Variants in THSD4 observed in about 807,000 individuals in gnomAD.
The protein encoded by THSD4 is thrombospondin type 1 domain containing 4, also known as thrombospondin type-1 domain-containing protein 4.
A neutral mutation model predicts 119.0 loss-of-function variants in THSD4; 69 were observed. The ratio of observed to expected loss-of-function variants is 0.58; its 90% CI spans 0.48 to 0.71. The LOEUF is 0.71. THSD4 is among the 30% of genes least tolerant of loss of function. THSD4 has a pLI of 0.00. For synonymous variants in THSD4, 524 were observed against 540.4 expected, an observed-to-expected ratio of 0.97 and a Z score of 0.42; for missense variants, 1,393 against 1,391.1, an observed-to-expected ratio of 1.00 and a Z score of -0.02.
At chr15:71,304,469 A>G (rs2044995567) in intron 6 of THSD4, among the ~76,000 whole-genome samples, 3 of 152,064 alleles carry the variant, frequency 2.0e-5, no homozygotes, top group East Asian at 1.9e-4. Context: ...GTCATAATAT[A>G]TGGTATCATC....
At chr15:71,233,676 G>C (rs1596282365) in intron 4 of THSD4, among the ~76,000 whole-genome samples, 1 of 152,250 alleles carries the variant, frequency 6.6e-6, no homozygotes, top group East Asian at 1.9e-4. Context: ...TTATTTTCCT[G>C]TTTAAGGATA....
chr15:71,462,014 A>C (rs921574314), intron 7 of THSD4, among the ~76,000 whole-genome samples: 2 of 152,200 alleles, frequency 1.3e-5, no homozygotes, highest in Admixed American at 1.3e-4. Flanking sequence ...GCTCCTTCAG[A>C]GCTGAAGAAA....
chr15:71,329,723 A>G (rs2140371483), intron 6 of THSD4, among the ~76,000 whole-genome samples: 1 of 152,332 alleles, frequency 6.6e-6, no homozygotes, highest in South Asian at 2.1e-4. Flanking sequence ...ACTCACAGAC[A>G]GGGCTGTGGT....
chr15:71,462,506 A>G (rs999323929), intron 7 of THSD4, among the ~76,000 whole-genome samples: 52 of 152,228 alleles, frequency 3.4e-4, no homozygotes, highest in African/African-American at 1.3e-3. Context: ...TTAAGACATG[A>G]AAGATGATCA....
At chr15:71,749,697 T>TTTTATTTTATTTATTTA (rs2053409357) in intron 14 of THSD4, among the ~76,000 whole-genome samples, 1 of 137,630 alleles carries the variant, frequency 7.3e-6, no homozygotes, top group African/African-American at 2.7e-5. Flanking sequence ...ATTTTTAAAT[T>TTTTATTTTATTTATTTA]TTTATTTATT....
At chr15:71,353,748 T>A (rs1453756695) in intron 6 of THSD4, among the ~76,000 whole-genome samples, 7 of 152,358 alleles carry the variant, frequency 4.6e-5, no homozygotes, top group African/African-American at 1.7e-4. Context: ...GCCGGGATGA[T>A]AAAATCCCAG....
At chr15:71,524,141 A>G (rs2048481702) in intron 7 of THSD4, among the ~76,000 whole-genome samples, 1 of 152,214 alleles carries the variant, frequency 6.6e-6, no homozygotes, top group African/African-American at 2.4e-5. Flanking sequence ...AAAAGATAAT[A>G]TAAGTGACGT....
intron 7 of THSD4, among the ~76,000 whole-genome samples, chr15:71,448,269 A>G (rs1162326534): frequency 1.3e-5 from 2 of 152,252 alleles, no homozygotes; most frequent in Non-Finnish European, 2.9e-5. Context: ...TAAGAAGACA[A>G]TGTTGAGAAG....
At chr15:71,209,021 G>A (rs1162083234) in intron 3 of THSD4, among the ~76,000 whole-genome samples, 1 of 152,140 alleles carries the variant, frequency 6.6e-6, no homozygotes, top group Admixed American at 6.5e-5. Flanking sequence ...GGCATGGCAT[G>A]TGTGCTTTGA....
At chr15:71,495,014 A>G (rs2047989092) in intron 7 of THSD4, among the ~76,000 whole-genome samples, 1 of 152,184 alleles carries the variant, frequency 6.6e-6, no homozygotes, top group Non-Finnish European at 1.5e-5. Flanking sequence ...GATACAGCTG[A>G]CCTGGCTCAG....
intron 7 of THSD4, among the ~76,000 whole-genome samples, chr15:71,468,981 C>T (rs368634582): frequency 4.6e-5 from 7 of 152,162 alleles, no homozygotes; most frequent in Non-Finnish European, 5.9e-5. Context: ...CAGGTATTTG[C>T]GTGTCTGAAA....
At chr15:71,190,385 G>C (rs2043660746) in intron 3 of THSD4, among the ~76,000 whole-genome samples, 1 of 152,300 alleles carries the variant, frequency 6.6e-6, no homozygotes, top group Admixed American at 6.5e-5. Flanking sequence ...AAAACAAAAA[G>C]AAAACCAGAC....
intron 8 of THSD4, among the ~76,000 whole-genome samples, chr15:71,703,975 G>A (rs552854557): frequency 3.3e-5 from 5 of 152,134 alleles, no homozygotes; most frequent in South Asian, 2.1e-4. Context: ...TCAGCCTCCC[G>A]AGTAGCTGGG....
At chr15:71,385,125 A>G (rs2046279130) in intron 6 of THSD4, among the ~76,000 whole-genome samples, 1 of 152,118 alleles carries the variant, frequency 6.6e-6, no homozygotes, top group African/African-American at 2.4e-5. Context: ...ATCCAATCCA[A>G]TCCTGGATCC....
intron 15 of THSD4, among the ~76,000 whole-genome samples, chr15:71,763,316 G>A (rs1417724951): frequency 6.6e-6 from 1 of 152,102 alleles, no homozygotes; most frequent in Non-Finnish European, 1.5e-5. Context: ...AATATTTAGA[G>A]TTTGAACTGC....
intron 7 of THSD4, among the ~76,000 whole-genome samples, chr15:71,583,414 C>T (rs572873018): frequency 2.0e-4 from 30 of 150,570 alleles, no homozygotes; most frequent in Non-Finnish European, 4.1e-4. Context: ...TTTATTTCTG[C>T]TATAATCTTT....
chr15:71,439,610 A>G (rs2047062553), intron 7 of THSD4, among the ~76,000 whole-genome samples: 1 of 152,170 alleles, frequency 6.6e-6, no homozygotes, highest in South Asian at 2.1e-4. Context: ...CTTGGAACCA[A>G]CCCAAATGTC....
At chr15:71,453,359 G>A (rs2047293081) in intron 7 of THSD4, among the ~76,000 whole-genome samples, 1 of 152,210 alleles carries the variant, frequency 6.6e-6, no homozygotes, top group Non-Finnish European at 1.5e-5. Flanking sequence ...AGTTCAAAGT[G>A]TTTTGCTGTC....
intron 2 of THSD4, 148 bp from the exon 3 acceptor site, chr15:71,154,715 C>T (rs1250582274): frequency 1.3e-6 from 1 of 763,640 alleles, no homozygotes; most frequent in Non-Finnish European, 2.2e-6. Flanking sequence ...TTGGGGCCAA[C>T]ACTTTGTGTC....
Sources: gnomAD v4.1 joint callset for allele counts (sites outside exome capture counted in the v4.1 genomes callset) on GRCh38, gnomAD v4.1.1 for gene constraint, MANE v1.5 for transcripts, NCBI Gene and HGNC (gene_info 2026-07-23, HGNC 2026-07-21) for gene names.